The following TTC17 variants were observed in gnomAD, a reference collection of about 807,000 sequenced individuals.
TTC17 encodes the protein tetratricopeptide repeat protein 17.
A neutral mutation model predicts 143.8 loss-of-function variants in TTC17; 58 were observed. The observed-to-expected ratio is 0.40, with a 90% CI of 0.33 to 0.50. TTC17 has a LOEUF of 0.50. Among genes scored for constraint, TTC17 ranks in the 20% least tolerant of loss-of-function variants. TTC17 has a pLI of 0.49. For synonymous variants in TTC17, 501 were observed against 497.8 expected, an observed-to-expected ratio of 1.01 and a Z score of -0.09; for missense variants, 1,273 against 1,392.5, an observed-to-expected ratio of 0.91 and a Z score of 1.37.
At chr11:43,409,948 T>C (rs1309253594) in intron 15 of TTC17, among the ~76,000 whole-genome samples, 1 of 152,018 alleles carries the variant, frequency 6.6e-6, no homozygotes, top group Non-Finnish European at 1.5e-5. Context: ...TTCAAGCTCT[T>C]CTCGTGCCTC....
intron 16 of TTC17, among the ~76,000 whole-genome samples, chr11:43,419,449 G>A (rs893529271): frequency 7.9e-5 from 12 of 152,064 alleles, no homozygotes; most frequent in Non-Finnish European, 1.8e-4. Flanking sequence ...TTTAGTCTGT[G>A]TTCTTCAACC....
At chr11:43,445,958 T>C (rs1326312914) in intron 18 of TTC17, 6 of 1,463,940 alleles carry the variant, frequency 4.1e-6, no homozygotes, top group Non-Finnish European at 5.5e-6. Context: ...ACCAGGAAAG[T>C]GCCATAGACA....
chr11:43,379,358 T>G, intron 2 of TTC17, 36 bp downstream of exon 2: 1 of 1,542,900 alleles, frequency 6.5e-7, no homozygotes, highest in Non-Finnish European at 8.9e-7. Flanking sequence ...CAGCTGATGC[T>G]TGTTGCATTT....
intron 16 of TTC17, among the ~76,000 whole-genome samples, chr11:43,428,964 AC>A (rs1947091067): frequency 6.6e-6 from 1 of 152,116 alleles, no homozygotes; most frequent in Non-Finnish European, 1.5e-5. Context: ...TTATTTTAAA[AC>A]CTTCTGCAAA....
At chr11:43,436,899 C>G (rs1338631812) in intron 16 of TTC17, among the ~76,000 whole-genome samples, 3 of 152,220 alleles carry the variant, frequency 2.0e-5, no homozygotes, top group Non-Finnish European at 4.4e-5. Flanking sequence ...TAGCTTTCTT[C>G]TATCCACACA....
At chr11:43,387,824 C>T (rs956632167) in intron 2 of TTC17, among the ~76,000 whole-genome samples, 8 of 152,216 alleles carry the variant, frequency 5.3e-5, no homozygotes, top group Admixed American at 3.9e-4. Context: ...TAAGGAGGGG[C>T]AGGATATTAG....
intron 1 of TTC17, among the ~76,000 whole-genome samples, chr11:43,371,971 C>T (rs934576716): frequency 7.2e-5 from 11 of 152,126 alleles, no homozygotes; most frequent in Admixed American, 3.9e-4. Context: ...ACTCCGGAGG[C>T]TGAGGTGGGA....
At chr11:43,481,314 G>GTACC (rs1442701730) in intron 21 of TTC17, among the ~76,000 whole-genome samples, 28 of 152,210 alleles carry the variant, frequency 1.8e-4, no homozygotes, top group Admixed American at 1.6e-3. Context: ...CAGTCAGTTT[G>GTACC]TACCTGTGTT....
chr11:43,406,101 G>C, intron 13 of TTC17, 150 bp downstream of exon 13: 1 of 1,036,214 alleles, frequency 9.7e-7, no homozygotes, highest in Non-Finnish European at 1.4e-6. Context: ...TGAAATGATG[G>C]CGAAGTCAGT....
At chr11:43,479,049 G>T (rs879464657) in intron 21 of TTC17, among the ~76,000 whole-genome samples, 1 of 152,110 alleles carries the variant, frequency 6.6e-6, no homozygotes, top group Non-Finnish European at 1.5e-5. Context: ...GACTAGCCTG[G>T]TCAACATGGT....
intron 1 of TTC17, among the ~76,000 whole-genome samples, chr11:43,366,503 C>T (rs1186837533): frequency 8.2e-6 from 1 of 122,160 alleles, no homozygotes; most frequent in Non-Finnish European, 1.7e-5. Flanking sequence ...GAGACTCTGC[C>T]TCAAAAAAAA....
chr11:43,358,982 C>T lies in TTC17; in HGVS notation c.28C>T (p.Arg10Trp), dbSNP rs558483732. ...GGCGGCGGCAGTAGGGGTTCGTGGC[C>T]GGTACGAGCTGCCGCCTTGCTCCGG... is the stretch of plus-strand genomic sequence containing the variant. MAAAVGVRG[R>W]YELPPCSGPG... Residue 10 changes from arginine (R) to tryptophan (W), a missense_variant, in exon 1 of 24, where the codon CGG (arginine) becomes TGG (tryptophan). Coordinates refer to ENST00000039989, the MANE Select transcript of TTC17 (RefSeq NM_018259.6). The T allele has an allele frequency of 5.1e-6, 8 of 1,579,838 alleles. No homozygotes were observed. Among genetic ancestry groups the T allele is most frequent in the South Asian group, 3.4e-5 (3 of 87,884 alleles).
At chr11:43,431,213 A>C (rs1185509733) in intron 16 of TTC17, among the ~76,000 whole-genome samples, 1 of 152,176 alleles carries the variant, frequency 6.6e-6, no homozygotes, top group Non-Finnish European at 1.5e-5. Flanking sequence ...TGCTGTTGTG[A>C]ATAGTACTGC....
At chr11:43,476,057 A>G (rs1905289) in intron 21 of TTC17, among the ~76,000 whole-genome samples, 8,950 of 152,262 alleles carry the variant, frequency 0.059, 287 homozygotes, top group African/African-American at 0.094. Flanking sequence ...AACTAGAGGT[A>G]ATGACAGATC....
At chr11:43,477,554 G>A (rs1246176281) in intron 21 of TTC17, among the ~76,000 whole-genome samples, 1 of 152,162 alleles carries the variant, frequency 6.6e-6, no homozygotes, top group African/African-American at 2.4e-5. Flanking sequence ...GAAAAATGAG[G>A]AAGAAGCAAA....
chr11:43,392,190 A>T (rs1490036394), intron 5 of TTC17, among the ~76,000 whole-genome samples: 1 of 152,230 alleles, frequency 6.6e-6, no homozygotes. Context: ...TGAAAAACGA[A>T]ATATAAACTG....
chr11:43,477,834 G>A (rs1948213191), intron 21 of TTC17, among the ~76,000 whole-genome samples: 1 of 152,034 alleles, frequency 6.6e-6, no homozygotes, highest in South Asian at 2.1e-4. Flanking sequence ...TGGGGGATAA[G>A]CAATTGATGA....
chr11:43,428,938 A>C (rs1277369883), intron 16 of TTC17, among the ~76,000 whole-genome samples: 2 of 152,212 alleles, frequency 1.3e-5, no homozygotes, highest in African/African-American at 2.4e-5. Context: ...TTTTGAGGTC[A>C]GTCAGCACAT....
chr11:43,414,495 C>A, intron 15 of TTC17, 95 bp from the exon 16 acceptor site: 3 of 1,329,232 alleles, frequency 2.3e-6, no homozygotes, highest in Admixed American at 2.3e-5. Context: ...TATGGGGTAA[C>A]CTAAAAAGAG....
Sources: allele counts gnomAD v4.1 joint callset (sites outside exome capture counted in the v4.1 genomes callset), GRCh38; gene constraint gnomAD v4.1.1; transcripts MANE v1.5; gene names NCBI Gene and HGNC (gene_info 2026-07-23, HGNC 2026-07-21).